The following TMEM177 variants were observed in gnomAD, a reference collection of about 807,000 sequenced individuals.
TMEM177 encodes transmembrane protein 177.
In TMEM177, 4 loss-of-function variants were observed where a neutral mutation model predicts 14.2. The ratio of observed to expected loss-of-function variants is 0.28; its 90% CI spans 0.14 to 0.64. The LOEUF (loss-of-function observed/expected upper bound fraction) is 0.64, where lower values mean the gene tolerates loss of function less well. Among genes scored for constraint, TMEM177 ranks in the 30% least tolerant of loss-of-function variants. TMEM177 has a pLI of 0.82. For synonymous variants in TMEM177, 179 were observed against 174.5 expected, an observed-to-expected ratio of 1.03 and a Z score of -0.20; for missense variants, 344 against 405.2, an observed-to-expected ratio of 0.85 and a Z score of 1.30.
the TMEM177 span, among the ~76,000 whole-genome samples, chr2:119,691,643 G>A: frequency 2.0e-5 from 3 of 152,210 alleles, no homozygotes; most frequent in African/African-American, 7.2e-5. Flanking sequence ...TCGCTGTTCA[G>A]GAAGTGTTTG....
At chr2:119,717,540 C>G in the TMEM177 span, among the ~76,000 whole-genome samples, 2 of 150,104 alleles carry the variant, frequency 1.3e-5, no homozygotes, top group African/African-American at 4.9e-5. Flanking sequence ...TGTCTGATTA[C>G]TAGGCCACAG....
chr2:119,703,993 C>G, the TMEM177 span, among the ~76,000 whole-genome samples: 3 of 152,182 alleles, frequency 2.0e-5, no homozygotes, highest in African/African-American at 7.2e-5. Flanking sequence ...TGCCAGGACT[C>G]TGACCAATGC....
At chr2:119,684,227 G>T (rs903422372), downstream of TMEM177, among the ~76,000 whole-genome samples, 4 of 152,128 alleles carry the variant, frequency 2.6e-5, no homozygotes, top group East Asian at 1.9e-4. Flanking sequence ...TTTCGTGTTC[G>T]CTGTGTCCTT....
At chr2:119,713,579 C>G in the TMEM177 span, among the ~76,000 whole-genome samples, 1 of 152,262 alleles carries the variant, frequency 6.6e-6, no homozygotes, top group Admixed American at 6.5e-5. Flanking sequence ...ATGGCTCAAG[C>G]TTATAATCTC....
the TMEM177 span, among the ~76,000 whole-genome samples, chr2:119,715,618 C>T: frequency 2.6e-5 from 4 of 152,080 alleles, no homozygotes; most frequent in Admixed American, 2.6e-4. Flanking sequence ...CAGAGCTGGC[C>T]CTGTGAGAGC....
chr2:119,686,042 G>T (rs1402775132), downstream of TMEM177: 1 of 246,282 alleles, frequency 4.1e-6, no homozygotes, highest in African/African-American at 2.2e-5. Flanking sequence ...ACCAGCTGAG[G>T]AAAGGGGATC....
downstream of TMEM177, among the ~76,000 whole-genome samples, chr2:119,688,003 A>G (rs149228121): frequency 5.1e-4 from 77 of 152,326 alleles, no homozygotes; most frequent in East Asian, 0.014. Flanking sequence ...ACTGAATACT[A>G]CATGCCCAAA....
At chr2:119,704,422 A>G in the TMEM177 span, among the ~76,000 whole-genome samples, 1 of 152,130 alleles carries the variant, frequency 6.6e-6, no homozygotes, top group Non-Finnish European at 1.5e-5. Context: ...ACATGGTGAA[A>G]CCCCGTCTGT....
downstream of TMEM177, among the ~76,000 whole-genome samples, chr2:119,691,075 C>T (rs886454799): frequency 2.0e-5 from 3 of 152,158 alleles, no homozygotes; most frequent in African/African-American, 7.2e-5. Context: ...TTTTCTGAGG[C>T]AGGAAGGATC....
chr2:119,679,558 G>C (rs1161193353), intron 1 of TMEM177: 1 of 152,028 alleles, frequency 6.6e-6, no homozygotes, highest in Non-Finnish European at 1.5e-5. Flanking sequence ...GGTACCCTGC[G>C]TTTTTGTTTG....
At chr2:119,706,458 G>A in the TMEM177 span, among the ~76,000 whole-genome samples, 3 of 152,170 alleles carry the variant, frequency 2.0e-5, no homozygotes, top group Non-Finnish European at 4.4e-5. Context: ...TCACCCATCT[G>A]TCAGCATATA....
intron 1 of TMEM177, among the ~76,000 whole-genome samples, chr2:119,679,983 G>T (rs1277274840): frequency 6.6e-6 from 1 of 152,126 alleles, no homozygotes; most frequent in African/African-American, 2.4e-5. Context: ...CAAGACCAGG[G>T]TGTTAACAGG....
rs777351633 is a variant in TMEM177 at position 119,681,330 on chromosome 2, G to A, written c.477G>A (p.Val159=). 5 of 1,614,226 alleles carry A rather than the reference G, an allele frequency of 3.1e-6. No homozygotes were observed. The highest frequency in any genetic ancestry group is 1.1e-5 in the South Asian group (1 of 91,088). ...AQKFALAREV[V]YLESSTTAVH... ...AGTTCGCCTTGGCCAGGGAAGTGGT[G>A]TACCTGGAAAGCAGTACCACTGCCG... is the stretch of plus-strand genomic sequence containing the variant. The change falls in exon 2 of 2, where the codon GTG becomes GTA. Residue 159 remains valine, a synonymous_variant. Coordinates refer to ENST00000272521, the MANE Select transcript of TMEM177 (RefSeq NM_030577.3).
At chr2:119,710,756 C>T in the TMEM177 span, among the ~76,000 whole-genome samples, 1 of 151,964 alleles carries the variant, frequency 6.6e-6, no homozygotes, top group East Asian at 1.9e-4. Flanking sequence ...ACTACAGGCG[C>T]CCCCACCACC....
At chr2:119,679,632 A>G (rs761216086) in intron 1 of TMEM177, 1 of 152,214 alleles carries the variant, frequency 6.6e-6, no homozygotes, top group African/African-American at 2.4e-5. Flanking sequence ...GTTTCAATCA[A>G]AGTGAAATAA....
chr2:119,699,547 T>C, the TMEM177 span, among the ~76,000 whole-genome samples: 1 of 152,126 alleles, frequency 6.6e-6, no homozygotes, highest in Non-Finnish European at 1.5e-5. Flanking sequence ...CACCCGCAGC[T>C]AGAATCCCAG....
the TMEM177 span, among the ~76,000 whole-genome samples, chr2:119,713,130 C>A: frequency 6.6e-6 from 1 of 151,042 alleles, no homozygotes; most frequent in Non-Finnish European, 1.5e-5. Context: ...AGTGCAATGG[C>A]GCAATCTTGG....
chr2:119,716,893 G>A, the TMEM177 span, among the ~76,000 whole-genome samples: 5 of 152,078 alleles, frequency 3.3e-5, no homozygotes, highest in Admixed American at 1.3e-4. Context: ...CTTCAAGTGC[G>A]TAAGGCATAG....
At chr2:119,700,209 A>G in the TMEM177 span, 1 of 164,074 alleles carries the variant, frequency 6.1e-6, no homozygotes, top group Non-Finnish European at 1.3e-5. Context: ...AAGAAGGAAC[A>G]GGAAACAGGA....
Sources: allele counts gnomAD v4.1 joint callset (sites outside exome capture counted in the v4.1 genomes callset), GRCh38; gene constraint gnomAD v4.1.1; transcripts MANE v1.5; gene names NCBI Gene and HGNC (gene_info 2026-07-23, HGNC 2026-07-21).